Variants in POLE observed in about 807,000 individuals in gnomAD.
POLE encodes DNA polymerase epsilon catalytic subunit A.
Under a neutral mutation model 279.2 loss-of-function variants are expected in POLE, and 188 were observed. The observed-to-expected ratio is 0.67, with a 90% CI of 0.60 to 0.76. POLE has a LOEUF of 0.76. Ranked by LOEUF, POLE falls within the 30% of genes least tolerant of loss-of-function variation. The pLI is 0.00. For missense variants in POLE, 2,703 were observed against 3,016.7 expected (o/e 0.90, Z 2.44); for synonymous variants, 1,214 against 1,172.5 (o/e 1.04, Z -0.72).
At chr12:132,657,305 A>G in intron 28 of POLE, 44 bp downstream of exon 28, 1 of 1,613,872 alleles carries the variant, frequency 6.2e-7, no homozygotes, top group Non-Finnish European at 8.5e-7. Flanking sequence ...GTCTAACTGC[A>G]CAGTTTTTAG....
rs960170681 is a variant in POLE at position 132,664,214 on chromosome 12, A to C, written c.2562-66T>G. 5 of 1,547,474 alleles carry C rather than the reference A, an allele frequency of 3.2e-6. No homozygotes were observed. Among genetic ancestry groups the C allele is most frequent in the Non-Finnish European group, 3.5e-6 (4 of 1,128,948 alleles). ...CCTTTTCACCCAGTGTGTGGCCTCC[A>C]GCCTTCCCTCCTTCCTTCCTGCCCA... On this transcript the variant is annotated intron_variant, in intron 22 of 48. Transcript: ENST00000320574. The surrounding 1 kb of genome is among the most constrained non-coding windows in gnomAD (Gnocchi z 5.3).
chr12:132,667,620 G>C lies in POLE; in HGVS notation c.2202C>G (p.Ile734Met), dbSNP rs2042826406. The C allele has an allele frequency of 1.2e-6, 2 of 1,614,070 alleles. No individual in the cohort carries two copies. Among genetic ancestry groups the C allele is most frequent in the Admixed American group, 1.7e-5 (1 of 60,010 alleles). ...GACGCTCTTCCACCTTGGTGATGTG[G>C]ATCTTCTTGTAGGCTTTCCGGCAGT... ...ADYCRKAYKK[I>M]HITKVEERLT... Residue 734 changes from isoleucine to methionine, a missense_variant, in exon 20 of 49, where the codon ATC (isoleucine) becomes ATG (methionine). Coordinates refer to ENST00000320574, the MANE Select transcript of POLE (RefSeq NM_006231.4).
Position 132,641,010 on chromosome 12 carries a change from G to A in POLE, c.5378+637C>T, listed in dbSNP as rs750031091. 65 of 456,536 alleles carry A rather than the reference G, an allele frequency of 1.4e-4. No individual in the cohort carries two copies. The Middle Eastern group carries it at 8.1e-3, about 57-fold the overall frequency. 28.3% of individuals were successfully genotyped at this position (456,536 alleles called of 1,614,324 possible). On this transcript the variant is annotated intron_variant, in intron 39 of 48. Coordinates refer to ENST00000320574, the MANE Select transcript of POLE (RefSeq NM_006231.4). The stretch of plus-strand genomic sequence containing the variant: ...TGGAATTACAAAGACTTGTTTTTGA[G>A]CACCTACCCTTCCATTCATTTGTGG...
chr12:132,682,290 G>GC (rs1555230592), intron 1 of POLE, among the ~76,000 whole-genome samples: 2 of 96,820 alleles, frequency 2.1e-5, no homozygotes, highest in Admixed American at 2.1e-4. Context: ...CGAGACTCCG[G>GC]CAAAAAAAAA....
rs767248367 is a variant in POLE at position 132,632,475 on chromosome 12, T to C, written c.6170A>G (p.Asn2057Ser). 6.2e-7 allele frequency: 1 copy of C among 1,614,136 alleles called. No homozygotes were observed. The highest frequency in any genetic ancestry group is 8.5e-7 in the Non-Finnish European group (1 of 1,179,990). Residue 2057 changes from asparagine to serine, a missense_variant, in exon 45 of 49, where the codon AAT (asparagine) becomes AGT (serine). By Grantham distance (46) the Asn-to-Ser change is conservative. Around this residue, in one of 5 missense-constraint regions of POLE, gnomAD observed 1,551 missense variants for 1,686.1 expected, o/e 0.92. Coordinates refer to ENST00000320574, the MANE Select transcript of POLE (RefSeq NM_006231.4). Reference protein sequence around the residue: ...MITFSQDYVANELTQSFFTIT... With the variant: ...MITFSQDYVASELTQSFFTIT... The stretch of plus-strand genomic sequence containing the variant: ...GGTGAAGAAGCTCTGAGTGAGCTCA[T>C]TTGCGACATAATCCTGAGAGAAGGT...
rs2042022711 is a variant in POLE at position 132,635,921 on chromosome 12, T to C, written c.5782A>G (p.Lys1928Glu). Residue 1928 changes from lysine to glutamate, a missense_variant, in exon 42 of 49, where the codon AAA becomes GAA. Physicochemically the swap from Lys to Glu is moderately conservative, Grantham distance 56 (BLOSUM62 1). This residue lies in a region of POLE where 1,551 missense variants were observed against 1,686.1 expected (regional missense o/e 0.92). Coordinates refer to ENST00000320574, the MANE Select transcript of POLE (RefSeq NM_006231.4). ...CCACAGTGAATACGAGATGAAACTT[T>C]TCCTTTGATTCCGCCATAGTTAGAT... is the stretch of plus-strand genomic sequence containing the variant. Reference protein sequence around the residue: ...DPSNYGGIKGKVSSRIHCGLQ... With the variant: ...DPSNYGGIKGEVSSRIHCGLQ... The C allele has an allele frequency of 6.2e-7, 1 of 1,613,654 alleles. No individual in the cohort carries two copies. Among genetic ancestry groups the C allele is most frequent in the Admixed American group, 1.7e-5 (1 of 59,882 alleles).
chr12:132,642,309 TGTGGCGCTGGAG>T lies in POLE; in HGVS notation c.5029_5040del (p.Leu1677_His1680del). 1 of 1,602,052 alleles carries T rather than the reference TGTGGCGCTGGAG, an allele frequency of 6.2e-7. No individual in the cohort carries two copies. The highest frequency in any genetic ancestry group is 8.5e-7 in the Non-Finnish European group (1 of 1,173,984). On this transcript the variant is annotated inframe_deletion, in exon 38 of 49. Coordinates refer to ENST00000320574, the MANE Select transcript of POLE (RefSeq NM_006231.4). Reference sequence around the variant, plus strand: ...GTAGGGGACAGCCAGAGCAGGTGGTTGTGGCGCTGGAGGTGGCGGGCAAAGAAGAGGTCGGAG... The same window carrying T: ...GTAGGGGACAGCCAGAGCAGGTGGTTGTGGCGGGCAAAGAAGAGGTCGGAG...
At chr12:132,640,947 T>C in intron 39 of POLE, 1 of 456,386 alleles carries the variant, frequency 2.2e-6, no homozygotes. Flanking sequence ...TCTCCCCTTT[T>C]GTATGGAGTC....
intron 16 of POLE, among the ~76,000 whole-genome samples, chr12:132,669,630 T>TA (rs1431136083): frequency 2.0e-5 from 3 of 152,238 alleles, no homozygotes; most frequent in Non-Finnish European, 4.4e-5. Flanking sequence ...GAATTACAGA[T>TA]AAACGAATCA....
chr12:132,647,535 G>A (rs991146944), intron 32 of POLE, among the ~76,000 whole-genome samples: 3 of 151,738 alleles, frequency 2.0e-5, no homozygotes, highest in South Asian at 2.1e-4. Context: ...AAAGCTCTTC[G>A]TTATAAAGGA....
At chr12:132,663,321 G>A (rs1433359734) in intron 23 of POLE, among the ~76,000 whole-genome samples, 1 of 152,162 alleles carries the variant, frequency 6.6e-6, no homozygotes, top group Non-Finnish European at 1.5e-5. Flanking sequence ...AGACTAAGCC[G>A]TCCCCACAAC....
Position 132,642,500 on chromosome 12 carries a change from G to T in POLE, c.4952+6C>A, listed in dbSNP as rs1287310585. 1 of 1,613,360 alleles carries T rather than the reference G, an allele frequency of 6.2e-7. No individual in the cohort carries two copies. The highest frequency in any genetic ancestry group is 8.5e-7 in the Non-Finnish European group (1 of 1,179,774). On this transcript the variant is annotated splice_donor_region_variant and intron_variant, in intron 37 of 48. Coordinates refer to ENST00000320574, the MANE Select transcript of POLE (RefSeq NM_006231.4). ...CACTGGCCCACAACGACAGTACTGT[G>T]CTCACCTGCTCATCTCGAAGGCCTG...
rs1565945249 is a variant in POLE, at chr12:132,648,943, C to T, written c.4135G>A (p.Ala1379Thr). The T allele has an allele frequency of 6.2e-7, 1 of 1,612,934 alleles. No individual in the cohort carries two copies. The highest frequency in any genetic ancestry group is 8.5e-7 in the Non-Finnish European group (1 of 1,179,174). Reference protein sequence around the residue: ...NQRVAKAEEGASYRKVNRVLP... With the variant: ...NQRVAKAEEGTSYRKVNRVLP... ...CTCCTCCCTACCTTGCGATACGAAG[C>T]ACCCTCCTCCGCTTTAGCGACTCGC... Residue 1379 changes from alanine to threonine, a missense_variant, in exon 32 of 49, where the codon GCT (alanine) becomes ACT (threonine). Around this residue, in one of 5 missense-constraint regions of POLE, gnomAD observed 1,551 missense variants for 1,686.1 expected, o/e 0.92. Transcript: ENST00000320574.
intron 23 of POLE, among the ~76,000 whole-genome samples, chr12:132,662,443 G>A (rs191973599): frequency 3.3e-4 from 50 of 152,302 alleles, no homozygotes; most frequent in African/African-American, 1.1e-3. Flanking sequence ...GGAGAAAGAA[G>A]TCACTAATAA....
intron 20 of POLE, among the ~76,000 whole-genome samples, chr12:132,666,878 A>G (rs181805499): frequency 9.8e-4 from 149 of 152,328 alleles, no homozygotes; most frequent in Non-Finnish European, 1.1e-3. Flanking sequence ...TGTCCGCCTT[A>G]CCATTATAAA....
chr12:132,670,389 G>C lies in POLE; in HGVS notation c.1795-1450C>G, dbSNP rs1213099560. The stretch of plus-strand genomic sequence containing the variant: ...GAAACTCTGTCTCAGATTCTGAGAC[G>C]TCTCGCCACCACGCCTGGGTAATTT... On this transcript the variant is annotated intron_variant, in intron 16 of 48. Transcript: ENST00000320574. Among the ~76,000 whole-genome samples, 3 of 151,192 alleles carry C rather than the reference G, an allele frequency of 2.0e-5. No homozygotes were observed. In the South Asian group the frequency reaches 6.4e-4, roughly 32 times the overall value.
At chr12:132,641,573 CCTTAG>C in intron 39 of POLE, 69 bp downstream of exon 39, 1 of 1,313,334 alleles carries the variant, frequency 7.6e-7, no homozygotes. Context: ...CTGTCTTAGA[CCTTAG>C]CTTTCCAAAT....
chr12:132,659,325 C>A lies in POLE; in HGVS notation c.3245G>T (p.Arg1082Leu), dbSNP rs201744227. Residue 1082 changes from arginine to leucine, a missense_variant, in exon 26 of 49, where the codon CGC becomes CTC. Arg to Leu is a moderately radical substitution (Grantham distance 102). Around this residue, in one of 5 missense-constraint regions of POLE, gnomAD observed 1,551 missense variants for 1,686.1 expected, o/e 0.92. Transcript: ENST00000320574. The stretch of plus-strand genomic sequence containing the variant: ...CGTGACAGGGGAGCCCTCGGGCTTG[C>A]GGGAGATGATGTAGCGGCAACTCAG... ...AGLSCRYIIS[R>L]KPEGSPVTER... 3.1e-6 allele frequency: 5 copies of A among 1,614,104 alleles called. No individual in the cohort carries two copies. Among genetic ancestry groups the A allele is most frequent in the Non-Finnish European group, 4.2e-6 (5 of 1,180,026 alleles).
rs533656561 is a variant in POLE at position 132,685,447 on chromosome 12, A to C, written c.62+1807T>G. On this transcript the variant is annotated intron_variant, in intron 1 of 48. Coordinates refer to ENST00000320574, the MANE Select transcript of POLE (RefSeq NM_006231.4). ...GGCCACTGGTGTCCCCATTTCACAC[A>C]AGAAGAAACGCAGGCAAACAGCACC... Among the ~76,000 whole-genome samples the C allele has an allele frequency of 7.2e-5, 11 of 152,360 alleles. No individual in the cohort carries two copies. In the South Asian group the frequency reaches 2.3e-3, roughly 32 times the overall value.
Sources: allele counts gnomAD v4.1 joint callset (sites outside exome capture counted in the v4.1 genomes callset), GRCh38; gene constraint gnomAD v4.1.1; regional missense constraint gnomAD v4.1.1; non-coding constraint Gnocchi (gnomAD v3.1); transcripts MANE v1.5; gene names NCBI Gene and HGNC (gene_info 2026-07-23, HGNC 2026-07-21).